The following KCNG2 variants were observed in gnomAD, a reference collection of about 807,000 sequenced individuals.
KCNG2 encodes potassium voltage-gated channel modifier subfamily G member 2.
KCNG2 carries 7 observed loss-of-function variants against 12.3 expected under a neutral mutation model. That is an observed-to-expected ratio of 0.57 (90% CI 0.32 to 1.07). The LOEUF (loss-of-function observed/expected upper bound fraction) is 1.07, where lower values mean the gene tolerates loss of function less well. KCNG2 is among the 50% of genes least tolerant of loss of function. KCNG2 has a pLI of 0.04. For missense variants in KCNG2, 703 were observed against 726.0 expected, an observed-to-expected ratio of 0.97 and a Z score of 0.36; for synonymous variants, 414 against 351.4, an observed-to-expected ratio of 1.18 and a Z score of -1.99.
chr18:79,832,660 C>A (rs537962), intron 1 of KCNG2, among the ~76,000 whole-genome samples: 7 of 152,042 alleles, frequency 4.6e-5, no homozygotes, highest in African/African-American at 7.2e-5. Flanking sequence ...ATCATTCGCC[C>A]TGATTTCCAG....
chr18:79,828,706 CGTGT>C lies in KCNG2; in HGVS notation c.-114-27668_-114-27665del, dbSNP rs973499269. 4.1e-5 allele frequency among the ~76,000 whole-genome samples: 6 copies of C among 147,556 alleles called. 1 individual carries two copies. The highest frequency in any genetic ancestry group is 2.7e-4 in the Admixed American group (4 of 14,756). On this transcript the variant is annotated intron_variant, in intron 1 of 3. Transcript: ENST00000316249. ...GCGTGTGTCCGTCTACAGGAATTTG[CGTGT>C]GTGTAACATGTCCATGATGTGTGCA...
chr18:79,853,209 A>G (rs1460397027), intron 1 of KCNG2, among the ~76,000 whole-genome samples: 1 of 152,220 alleles, frequency 6.6e-6, no homozygotes, highest in African/African-American at 2.4e-5. Flanking sequence ...ACAGAAAATA[A>G]CACTGGGTAA....
intron 3 of KCNG2, among the ~76,000 whole-genome samples, chr18:79,885,280 A>G (rs1360473577): frequency 6.6e-6 from 1 of 152,236 alleles, no homozygotes; most frequent in Non-Finnish European, 1.5e-5. Flanking sequence ...TGCGGGCCTC[A>G]AAGCTGGGTG....
rs561038727 is a variant in KCNG2 at position 79,882,879 on chromosome 18, A to C, written c.625-16161A>C. 3.7e-4 allele frequency among the ~76,000 whole-genome samples: 51 copies of C among 138,172 alleles called. 2 individuals carry two copies. Among genetic ancestry groups the C allele is most frequent in the African/African-American group, 1.1e-3 (39 of 35,176 alleles). 90.6% of individuals were successfully genotyped at this position (138,172 alleles called of 152,430 possible). On this transcript the variant is annotated intron_variant, in intron 3 of 3. Transcript: ENST00000316249. ...GGAGGCCGGGTACACCTGCGCGTGG[A>C]GCGCGGAGGCCGGGTACATCTGCGC...
chr18:79,873,236 G>A (rs1979922709), intron 3 of KCNG2, among the ~76,000 whole-genome samples: 1 of 152,226 alleles, frequency 6.6e-6, no homozygotes, highest in Non-Finnish European at 1.5e-5. Flanking sequence ...CTCGCCTCCT[G>A]TCCGTATCAC....
chr18:79,873,876 G>C (rs1192711389), intron 3 of KCNG2, among the ~76,000 whole-genome samples: 3 of 152,274 alleles, frequency 2.0e-5, no homozygotes, highest in African/African-American at 7.2e-5. Context: ...GCCTGTGAGA[G>C]GCGCTGGCCT....
chr18:79,809,500 C>T (rs1250042462), intron 1 of KCNG2, among the ~76,000 whole-genome samples: 3 of 99,826 alleles, frequency 3.0e-5, no homozygotes, highest in Admixed American at 9.6e-5. Flanking sequence ...GCCCAGAGTC[C>T]GCGCTCTGAG....
In KCNG2 at chr18:79,803,998, T is replaced by C. The variant is rs886558162; in HGVS notation, c.-115+5984T>C. Among the ~76,000 whole-genome samples the C allele has an allele frequency of 2.0e-5, 3 of 152,214 alleles. No individual in the cohort carries two copies. The highest frequency in any genetic ancestry group is 4.4e-5 in the Non-Finnish European group (3 of 68,030). ...CCGTCCTTTGCTGGTGGCAGATTAT[T>C]CCTCAACATGGGGATCTTGTTCCTT... On this transcript the variant is annotated intron_variant, in intron 1 of 3. Transcript: ENST00000316249. The surrounding 1 kb of genome is among the most constrained non-coding windows in gnomAD (Gnocchi z 4.5).
chr18:79,897,386 T>C (rs1456047599), intron 3 of KCNG2, among the ~76,000 whole-genome samples: 1 of 152,232 alleles, frequency 6.6e-6, no homozygotes, highest in African/African-American at 2.4e-5. Flanking sequence ...TTATTTCAAT[T>C]ATTGCACTTT....
At chr18:79,862,815 G>C (rs1210654663) in intron 2 of KCNG2, among the ~76,000 whole-genome samples, 5 of 152,218 alleles carry the variant, frequency 3.3e-5, no homozygotes, top group Non-Finnish European at 5.9e-5. Flanking sequence ...CAAGACACCG[G>C]AGATGAAGGC....
At chr18:79,885,515 G>C (rs1980491800) in intron 3 of KCNG2, among the ~76,000 whole-genome samples, 1 of 152,210 alleles carries the variant, frequency 6.6e-6, no homozygotes, top group Non-Finnish European at 1.5e-5. Context: ...GTCCCTCCTT[G>C]TTGTGGGCAG....
At chr18:79,875,476 A>G (rs962268107) in intron 3 of KCNG2, among the ~76,000 whole-genome samples, 3 of 152,196 alleles carry the variant, frequency 2.0e-5, no homozygotes, top group Non-Finnish European at 4.4e-5. Context: ...TTCATGCCGA[A>G]GGCTCCTGTG....
chr18:79,817,528 A>T (rs1274384783), intron 1 of KCNG2, among the ~76,000 whole-genome samples: 7 of 152,220 alleles, frequency 4.6e-5, no homozygotes, highest in South Asian at 2.1e-4. Flanking sequence ...GCACATGATT[A>T]TCACATACAT....
At chr18:79,811,310 ATT>A (rs1468133149) in intron 1 of KCNG2, among the ~76,000 whole-genome samples, 5 of 152,254 alleles carry the variant, frequency 3.3e-5, no homozygotes, top group Admixed American at 1.3e-4. Flanking sequence ...TTCTCACACT[ATT>A]TATTAAAACT....
chr18:79,882,448 A>G (rs2123111311), intron 3 of KCNG2, among the ~76,000 whole-genome samples: 1 of 152,384 alleles, frequency 6.6e-6, no homozygotes, highest in Non-Finnish European at 1.5e-5. Flanking sequence ...TATCTAACAA[A>G]GGACTTGTAA....
At chr18:79,896,583 C>T (rs1004068412) in intron 3 of KCNG2, among the ~76,000 whole-genome samples, 13 of 152,298 alleles carry the variant, frequency 8.5e-5, no homozygotes, top group South Asian at 4.1e-4. Flanking sequence ...AAGCTTAATA[C>T]GTTATATACA....
chr18:79,853,699 C>T (rs562876404), intron 1 of KCNG2, among the ~76,000 whole-genome samples: 2 of 152,226 alleles, frequency 1.3e-5, no homozygotes, highest in Non-Finnish European at 2.9e-5. Context: ...GTCAGCAGCA[C>T]GTAGCTGTGG....
chr18:79,804,513 G>A lies in KCNG2; in HGVS notation c.-115+6499G>A, dbSNP rs548775987. The stretch of plus-strand genomic sequence containing the variant: ...CTCCCATGGGTGCTCAGGTGCACCC[G>A]TGGCCGGTCCTGAGCCAAGGTGCAG... On this transcript the variant is annotated intron_variant, in intron 1 of 3. Transcript: ENST00000316249. 3.3e-5 allele frequency among the ~76,000 whole-genome samples: 5 copies of A among 152,346 alleles called. No homozygotes were observed. In the South Asian group the frequency reaches 8.3e-4, roughly 25 times the overall value.
At position 79,809,790 on chromosome 18, in the gene KCNG2, C is replaced by G. The variant is rs573369824; in HGVS notation, c.-115+11776C>G. On this transcript the variant is annotated intron_variant, in intron 1 of 3. Transcript: ENST00000316249. ...TGCAGCCCAGGCGTCCTACTGCACA[C>G]TAGGAGCTGTGGTCACCTCGTCCAG... Among the ~76,000 whole-genome samples, 40 of 152,386 alleles carry G rather than the reference C, an allele frequency of 2.6e-4. No homozygotes were observed. In the East Asian group the frequency reaches 4.0e-3, roughly 15 times the overall value.
Sources: allele counts gnomAD v4.1 joint callset (sites outside exome capture counted in the v4.1 genomes callset), GRCh38; gene constraint gnomAD v4.1.1; non-coding constraint Gnocchi (gnomAD v3.1); transcripts MANE v1.5; gene names NCBI Gene and HGNC (gene_info 2026-07-23, HGNC 2026-07-21).